The following GABRA5 variants were observed in gnomAD, a reference collection of about 807,000 sequenced individuals.
GABRA5 encodes gamma-aminobutyric acid receptor subunit alpha-5.
GABRA5 carries 18 observed loss-of-function variants against 47.3 expected under a neutral mutation model. That is an observed-to-expected ratio of 0.38 (90% CI 0.26 to 0.56). GABRA5 has a LOEUF of 0.56. Ranked by LOEUF, GABRA5 falls within the 20% of genes least tolerant of loss-of-function variation. The pLI, the probability that GABRA5 is intolerant of heterozygous loss-of-function variation, is 0.71. For synonymous variants in GABRA5, 237 were observed against 229.3 expected (o/e 1.03, Z -0.30); for missense variants, 365 against 599.3 (o/e 0.61, Z 4.08).
intron 6 of GABRA5, among the ~76,000 whole-genome samples, chr15:26,901,482 T>A (rs1311469423): frequency 6.6e-6 from 1 of 152,144 alleles, no homozygotes; most frequent in Non-Finnish European, 1.5e-5. Flanking sequence ...TTTGTTAAGG[T>A]CTTTTATCAT....
chr15:26,874,621 C>T (rs1241139220), intron 3 of GABRA5, among the ~76,000 whole-genome samples: 1 of 152,146 alleles, frequency 6.6e-6, no homozygotes, highest in Non-Finnish European at 1.5e-5. Context: ...TTGTCTACTG[C>T]AGCCCAAATA....
At chr15:26,908,429 G>A (rs1444370606) in intron 6 of GABRA5, among the ~76,000 whole-genome samples, 1 of 152,180 alleles carries the variant, frequency 6.6e-6, no homozygotes, top group African/African-American at 2.4e-5. Flanking sequence ...AGGCACCAGA[G>A]TCAGGCTGCA....
intron 9 of GABRA5, 58 bp downstream of exon 9, chr15:26,940,135 C>T (rs778129106): frequency 1.0e-4 from 155 of 1,490,394 alleles, no homozygotes; most frequent in Non-Finnish European, 1.3e-4. Context: ...CCTAACCACC[C>T]GGAAGCAACA....
At chr15:26,866,993 T>TC (rs1892326667), upstream of GABRA5, 1 of 152,088 alleles carries the variant, frequency 6.6e-6, no homozygotes, top group African/African-American at 2.4e-5. Context: ...CCCTGCGCCC[T>TC]CCCCCTCCGC....
chr15:26,905,844 C>T (rs1449053424), intron 6 of GABRA5, among the ~76,000 whole-genome samples: 2 of 151,458 alleles, frequency 1.3e-5, no homozygotes, highest in Non-Finnish European at 2.9e-5. Flanking sequence ...CTTTTTATAA[C>T]TTCTTTTTAT....
intron 7 of GABRA5, among the ~76,000 whole-genome samples, chr15:26,930,006 C>CTTTTTT (rs72082419): frequency 9.4e-4 from 107 of 113,320 alleles, no homozygotes; most frequent in East Asian, 2.1e-3. Flanking sequence ...TCTTCTTCTT[C>CTTTTTT]TTTTTTTTTT....
At chr15:26,868,199 C>T (rs1182981589) in intron 1 of GABRA5, 1 of 152,038 alleles carries the variant, frequency 6.6e-6, no homozygotes, top group Non-Finnish European at 1.5e-5. Flanking sequence ...GCCCGGGTTT[C>T]CCGCATGCAG....
rs187253411 is a variant in GABRA5 at position 26,880,086 on chromosome 15, G to A, written c.87-760G>A. ...CCAGATACCATCCTCAGTTTGTCTA[G>A]ATCTGCTAGGGCAGTTTCTAGTTTT... On this transcript the variant is annotated intron_variant, in intron 3 of 10. Coordinates refer to ENST00000335625, the MANE Select transcript of GABRA5 (RefSeq NM_000810.4). Among the ~76,000 whole-genome samples the A allele has an allele frequency of 2.0e-4, 30 of 152,310 alleles. No homozygotes were observed. The East Asian group carries it at 5.4e-3, about 27-fold the overall frequency.
chr15:26,869,837 G>A (rs1047533614), intron 3 of GABRA5, among the ~76,000 whole-genome samples: 4 of 152,236 alleles, frequency 2.6e-5, no homozygotes, highest in Admixed American at 1.3e-4. Flanking sequence ...CTGAATGCAG[G>A]TGCAGACACC....
At chr15:26,885,899 A>G (rs991986084) in intron 6 of GABRA5, among the ~76,000 whole-genome samples, 2 of 152,162 alleles carry the variant, frequency 1.3e-5, no homozygotes, top group Non-Finnish European at 2.9e-5. Flanking sequence ...ATGGAATGAG[A>G]ATACACTCCT....
chr15:26,902,343 T>C (rs1226403781), intron 6 of GABRA5, among the ~76,000 whole-genome samples: 1 of 152,120 alleles, frequency 6.6e-6, no homozygotes, highest in Non-Finnish European at 1.5e-5. Flanking sequence ...TTCCCCTAAA[T>C]ATTATATACT....
At chr15:26,880,739 C>G in intron 3 of GABRA5, 107 bp from the exon 4 acceptor site, 1 of 1,150,924 alleles carries the variant, frequency 8.7e-7, no homozygotes, top group South Asian at 1.5e-5. Flanking sequence ...CTCAGATCCT[C>G]GTCTCAGGAG....
Position 26,939,986 on chromosome 15 carries a change from C to A in GABRA5, c.786C>A (p.Ile262=). ...HLKRKIGYFV[I]QTYLPCIMTV... ...AAAGGAAGATTGGCTACTTTGTCATCCAGACCTACCTTCCCTGCATAATGA... is the reference window on the plus strand; with the variant it reads ...AAAGGAAGATTGGCTACTTTGTCATACAGACCTACCTTCCCTGCATAATGA... The change falls in exon 9 of 11, where the codon ATC becomes ATA. Residue 262 remains isoleucine, a synonymous_variant. Transcript: ENST00000335625. 6.2e-7 allele frequency: 1 copy of A among 1,613,974 alleles called. No individual in the cohort carries two copies. Among genetic ancestry groups the A allele is most frequent in the Non-Finnish European group, 8.5e-7 (1 of 1,179,876 alleles).
intron 7 of GABRA5, among the ~76,000 whole-genome samples, chr15:26,917,693 G>A (rs1055083024): frequency 4.0e-5 from 6 of 151,860 alleles, no homozygotes; most frequent in African/African-American, 1.5e-4. Context: ...CTGGTCCTGG[G>A]CTTTTCTTTG....
chr15:26,869,705 G>A (rs2140240008), intron 3 of GABRA5, among the ~76,000 whole-genome samples: 1 of 152,356 alleles, frequency 6.6e-6, no homozygotes, highest in African/African-American at 2.4e-5. Flanking sequence ...CAACATTTCA[G>A]TTGCCCTCCA....
intron 6 of GABRA5, among the ~76,000 whole-genome samples, chr15:26,894,845 C>G (rs1893140946): frequency 1.3e-5 from 2 of 152,174 alleles, no homozygotes; most frequent in Admixed American, 1.3e-4. Context: ...TTTTGTCTTC[C>G]AGTCTCCGTC....
At chr15:26,874,456 C>G (rs1892545723) in intron 3 of GABRA5, among the ~76,000 whole-genome samples, 1 of 152,092 alleles carries the variant, frequency 6.6e-6, no homozygotes, top group Non-Finnish European at 1.5e-5. Flanking sequence ...CCTGAGAATG[C>G]AGGCTGGGCT....
Position 26,920,558 on chromosome 15 carries a change from A to G in GABRA5, c.580+5673A>G, listed in dbSNP as rs1645186028. On this transcript the variant is annotated intron_variant, in intron 7 of 10. Coordinates refer to ENST00000335625, the MANE Select transcript of GABRA5 (RefSeq NM_000810.4). ...GGTTATTTTGAATTCTCTGTCAGAT[A>G]AATTATATAACTCCATTTCATTAGG... 2.6e-5 allele frequency among the ~76,000 whole-genome samples: 4 copies of G among 152,164 alleles called. No individual in the cohort carries two copies. In the South Asian group the frequency reaches 8.3e-4, roughly 32 times the overall value.
At chr15:26,884,440 G>A (rs1172859060) in intron 6 of GABRA5, among the ~76,000 whole-genome samples, 1 of 151,964 alleles carries the variant, frequency 6.6e-6, no homozygotes, top group Admixed American at 6.6e-5. Flanking sequence ...TCCAAAGTGG[G>A]TCTATGGAAG....
Sources: allele counts gnomAD v4.1 joint callset (sites outside exome capture counted in the v4.1 genomes callset), GRCh38; gene constraint gnomAD v4.1.1; transcripts MANE v1.5; gene names NCBI Gene and HGNC (gene_info 2026-07-23, HGNC 2026-07-21).